The following N4BP2 variants were observed in gnomAD, a reference collection of about 807,000 sequenced individuals.
N4BP2 encodes the protein NEDD4 binding protein 2, also known as NEDD4-binding protein 2.
A neutral mutation model predicts 152.8 loss-of-function variants in N4BP2; 91 were observed. The ratio of observed to expected loss-of-function variants is 0.60; its 90% CI spans 0.50 to 0.71. The LOEUF is 0.71. Among genes scored for constraint, N4BP2 ranks in the 30% least tolerant of loss-of-function variants. The probability of loss-of-function intolerance (pLI) is 0.00; values close to 1 mark genes in which losing one functional copy is unlikely to be tolerated. For synonymous variants in N4BP2, 646 were observed against 705.3 expected (o/e 0.92, Z 1.33); for missense variants, 1,923 against 2,059.1 (o/e 0.93, Z 1.28).
chr4:40,142,165 C>A, intron 14 of N4BP2: 1 of 175,226 alleles, frequency 5.7e-6, no homozygotes, highest in Non-Finnish European at 1.2e-5. Flanking sequence ...AGGGAGAGGG[C>A]AGCGTGTAAC....
In N4BP2 at chr4:40,102,502, A is replaced by C; in HGVS notation, c.657A>C (p.Ser219=). 6.2e-7 allele frequency: 1 copy of C among 1,614,222 alleles called. No homozygotes were observed. The highest frequency in any genetic ancestry group is 8.5e-7 in the Non-Finnish European group (1 of 1,180,038). The change falls in exon 4 of 18, where the codon TCA becomes TCC. Residue 219 remains serine, a synonymous_variant. Transcript: ENST00000261435. ...TLSLNPLPSH[S]VLNESKCFIK... is the part of the protein sequence containing the mutation. ...GTTTAAACCCATTACCTTCACATTC[A>C]GTTTTGAACGAGTCCAAGTGTTTTA...
intron 2 of N4BP2, among the ~76,000 whole-genome samples, chr4:40,091,846 C>T (rs775105818): frequency 1.0e-3 from 148 of 148,294 alleles, no homozygotes; most frequent in Admixed American, 1.9e-3. Context: ...TGGGCTCAAG[C>T]GATCCTCCCA....
downstream of N4BP2, among the ~76,000 whole-genome samples, chr4:40,159,672 A>T (rs752440915): frequency 6.6e-6 from 1 of 152,154 alleles, no homozygotes; most frequent in Non-Finnish European, 1.5e-5. Context: ...GCTGCGAGGG[A>T]GGCTGGGAAA....
chr4:40,150,585 C>T (rs1342847157), intron 16 of N4BP2, among the ~76,000 whole-genome samples: 2 of 151,566 alleles, frequency 1.3e-5, no homozygotes, highest in Non-Finnish European at 2.9e-5. Context: ...GCAGAAGAAT[C>T]GCTTGAACCC....
At chr4:40,165,461 C>T in the N4BP2 span, among the ~76,000 whole-genome samples, 1 of 152,106 alleles carries the variant, frequency 6.6e-6, no homozygotes, top group Non-Finnish European at 1.5e-5. Context: ...GTTGGCCAGG[C>T]TGGTCTTGAA....
the N4BP2 span, among the ~76,000 whole-genome samples, chr4:40,186,549 A>G: frequency 2.5e-4 from 38 of 152,346 alleles, 1 homozygote; most frequent in South Asian, 7.2e-3. Context: ...ACGGGTGGGT[A>G]CTGGTCTGCA....
chr4:40,153,000 A>T (rs753252607), intron 17 of N4BP2, 97 bp downstream of exon 17: 1 of 1,192,098 alleles, frequency 8.4e-7, no homozygotes, highest in Non-Finnish European at 1.2e-6. Flanking sequence ...GATAATAGCA[A>T]TAGCCCTAAT....
intron 14 of N4BP2, chr4:40,142,338 G>C (rs879477589): frequency 7.9e-5 from 25 of 317,852 alleles, no homozygotes; most frequent in Non-Finnish European, 1.4e-4. Flanking sequence ...TTGGGCTGGG[G>C]GTGACTGGGT....
At chr4:40,078,858 G>T (rs1254250605) in intron 2 of N4BP2, among the ~76,000 whole-genome samples, 1 of 151,884 alleles carries the variant, frequency 6.6e-6, no homozygotes, top group East Asian at 1.9e-4. Context: ...TAAAGTTTGG[G>T]ATTTTTAGGA....
At chr4:40,161,952 A>C (rs184818413), downstream of N4BP2, among the ~76,000 whole-genome samples, 1 of 152,206 alleles carries the variant, frequency 6.6e-6, no homozygotes, top group Non-Finnish European at 1.5e-5. Context: ...CACTGTTGCC[A>C]CAGCTGTCTC....
rs555467916 is a variant in N4BP2 at position 40,102,152 on chromosome 4, G to A, written c.307G>A (p.Val103Ile). The change falls in exon 4 of 18, where the codon GTT (valine) becomes ATT (isoleucine). Residue 103 changes from valine to isoleucine, a missense_variant. Val to Ile is a conservative substitution (Grantham distance 29). Transcript: ENST00000261435. ...AGAAGAATCATCTTCACAAAGTTTC[G>A]TTGCTTCTGAGAACCAAGTAGGTGC... ...KIEESSSQSF[V>I]ASENQVGAAE... 21 of 1,613,360 alleles carry A rather than the reference G, an allele frequency of 1.3e-5. No homozygotes were observed. The highest frequency in any genetic ancestry group is 4.5e-5 in the East Asian group (2 of 44,818).
At chr4:40,067,722 A>T (rs1403003481) in intron 1 of N4BP2, among the ~76,000 whole-genome samples, 1 of 152,032 alleles carries the variant, frequency 6.6e-6, no homozygotes, top group Non-Finnish European at 1.5e-5. Flanking sequence ...TTTTTGAGAC[A>T]GAGTCTCACT....
rs201984458 is a variant in N4BP2 at position 40,099,888 on chromosome 4, CT to C, written c.230-2179del. 518 of 228,782 alleles carry C rather than the reference CT, an allele frequency of 2.3e-3. 8 individuals carry two copies. The highest frequency in any genetic ancestry group is 0.011 in the African/African-American group (494 of 43,250). The allele number at this position is 228,782 out of a possible 1,614,324, so 14.2% of individuals were successfully genotyped here. A position where few individuals can be genotyped will look rare whatever the true frequency, so the allele number is the denominator to read the frequency against. Reference sequence around the variant, plus strand: ...TAGAAATACTCCTTACGTTTGCTTTCTTTTTTTTCCCCCGTCCCTGCCCACC... The same window carrying C: ...TAGAAATACTCCTTACGTTTGCTTTCTTTTTTTCCCCCGTCCCTGCCCACC... On this transcript the variant is annotated intron_variant, in intron 3 of 17. Transcript: ENST00000261435.
intron 3 of N4BP2, among the ~76,000 whole-genome samples, chr4:40,099,347 A>T (rs139332057): frequency 6.6e-6 from 1 of 152,006 alleles, no homozygotes; most frequent in Non-Finnish European, 1.5e-5. Context: ...AGTTAAAGTG[A>T]TTCTCCTGCC....
chr4:40,148,209 G>A (rs1338240956), intron 16 of N4BP2, among the ~76,000 whole-genome samples: 2 of 152,254 alleles, frequency 1.3e-5, no homozygotes, highest in Admixed American at 6.5e-5. Flanking sequence ...GGCACCTCGG[G>A]AGGCCGAGGC....
At chr4:40,184,957 A>G in the N4BP2 span, among the ~76,000 whole-genome samples, 1 of 151,014 alleles carries the variant, frequency 6.6e-6, no homozygotes, top group South Asian at 2.1e-4. Flanking sequence ...CTCTGTCTCA[A>G]AAAATAAATA....
At chr4:40,178,770 G>A in the N4BP2 span, among the ~76,000 whole-genome samples, 1 of 152,226 alleles carries the variant, frequency 6.6e-6, no homozygotes, top group Non-Finnish European at 1.5e-5. Flanking sequence ...TTCAATATGA[G>A]CACACATTTG....
intron 4 of N4BP2, among the ~76,000 whole-genome samples, chr4:40,104,422 G>A (rs1183463415): frequency 7.6e-6 from 1 of 131,306 alleles, no homozygotes; most frequent in African/African-American, 2.8e-5. Context: ...TTTTTTTTTT[G>A]ATATCTTTTC....
intron 4 of N4BP2, among the ~76,000 whole-genome samples, chr4:40,106,136 A>G (rs1716258272): frequency 6.6e-6 from 1 of 152,204 alleles, no homozygotes; most frequent in Non-Finnish European, 1.5e-5. Context: ...TAACCATTAT[A>G]AAGATTTTAT....
Sources: allele counts gnomAD v4.1 joint callset (sites outside exome capture counted in the v4.1 genomes callset), GRCh38; gene constraint gnomAD v4.1.1; transcripts MANE v1.5; gene names NCBI Gene and HGNC (gene_info 2026-07-23, HGNC 2026-07-21).